Variants in ESRRG observed in about 807,000 individuals in gnomAD.
The protein encoded by ESRRG is estrogen related receptor gamma.
Under a neutral mutation model 44.0 loss-of-function variants are expected in ESRRG, and 13 were observed. The observed-to-expected ratio is 0.30, with a 90% CI of 0.19 to 0.47. The LOEUF is 0.47. Among genes scored for constraint, ESRRG ranks in the 20% least tolerant of loss-of-function variants. The pLI, the probability that ESRRG is intolerant of heterozygous loss-of-function variation, is 1.00. For missense variants in ESRRG, 395 were observed against 580.6 expected, an observed-to-expected ratio of 0.68 and a Z score of 3.29; for synonymous variants, 215 against 214.6, an observed-to-expected ratio of 1.00 and a Z score of -0.02.
chr1:216,860,286 A>C (rs1559896890), intron 2 of ESRRG, among the ~76,000 whole-genome samples: 1 of 152,084 alleles, frequency 6.6e-6, no homozygotes, highest in Non-Finnish European at 1.5e-5. Flanking sequence ...ACATACATAA[A>C]ATAAGAAAAA....
chr1:217,108,922 C>T (rs908209609), intron 1 of ESRRG, among the ~76,000 whole-genome samples: 2 of 152,126 alleles, frequency 1.3e-5, no homozygotes, highest in East Asian at 3.9e-4. Flanking sequence ...CTAACCCAAC[C>T]TCACATGAAA....
chr1:216,873,492 G>C (rs111808209), intron 2 of ESRRG, among the ~76,000 whole-genome samples: 4 of 151,990 alleles, frequency 2.6e-5, no homozygotes, highest in African/African-American at 9.6e-5. Context: ...GGGATTACAG[G>C]CATGAGCCAC....
At chr1:216,758,739 A>G (rs2092604138) in intron 2 of ESRRG, among the ~76,000 whole-genome samples, 1 of 152,052 alleles carries the variant, frequency 6.6e-6, no homozygotes, top group South Asian at 2.1e-4. Flanking sequence ...AAACACATTT[A>G]CAGACCTGGG....
chr1:216,922,604 C>A (rs1258377520), intron 2 of ESRRG, among the ~76,000 whole-genome samples: 3 of 152,190 alleles, frequency 2.0e-5, no homozygotes, highest in African/African-American at 7.2e-5. Flanking sequence ...TTTTCATACT[C>A]TAATCCTATA....
intron 2 of ESRRG, among the ~76,000 whole-genome samples, chr1:216,870,627 C>T (rs1222383215): frequency 1.3e-5 from 2 of 151,930 alleles, no homozygotes; most frequent in African/African-American, 2.4e-5. Context: ...AATGAAACTA[C>T]CTGGGCCTGG....
At chr1:216,566,718 C>G (rs1362650638) in intron 4 of ESRRG, among the ~76,000 whole-genome samples, 1 of 152,094 alleles carries the variant, frequency 6.6e-6, no homozygotes, top group African/African-American at 2.4e-5. Context: ...TGTGCAAAAT[C>G]TGTTTAATGC....
intron 3 of ESRRG, among the ~76,000 whole-genome samples, chr1:216,570,640 A>T (rs1035326237): frequency 4.6e-5 from 7 of 152,184 alleles, no homozygotes; most frequent in African/African-American, 1.7e-4. Flanking sequence ...GACACTAATT[A>T]TATCCTCACG....
chr1:216,663,759 A>G (rs1218567226), intron 2 of ESRRG, among the ~76,000 whole-genome samples: 1 of 152,198 alleles, frequency 6.6e-6, no homozygotes, highest in Non-Finnish European at 1.5e-5. Flanking sequence ...TCTCACATCA[A>G]AACAGGAGAG....
chr1:217,076,032 A>G, intron 1 of ESRRG, among the ~76,000 whole-genome samples: 1 of 152,214 alleles, frequency 6.6e-6, no homozygotes, highest in East Asian at 1.9e-4. Flanking sequence ...AAGAATCTAT[A>G]TGTTAAAAGG....
At chr1:216,997,956 T>A (rs1475543609) in intron 1 of ESRRG, among the ~76,000 whole-genome samples, 1 of 152,210 alleles carries the variant, frequency 6.6e-6, no homozygotes, top group Non-Finnish European at 1.5e-5. Context: ...CAATAACTCT[T>A]TCACCCATGC....
chr1:216,989,592 T>C (rs1213420324), intron 1 of ESRRG, among the ~76,000 whole-genome samples: 3 of 152,174 alleles, frequency 2.0e-5, no homozygotes, highest in African/African-American at 7.2e-5. Flanking sequence ...TGGATGTACA[T>C]GTGTGTATTT....
At chr1:216,678,986 T>G (rs2076568730) in intron 1 of ESRRG, among the ~76,000 whole-genome samples, 1 of 152,234 alleles carries the variant, frequency 6.6e-6, no homozygotes, top group African/African-American at 2.4e-5. Context: ...GCAGGAAGTT[T>G]CACTTAACTG....
chr1:216,720,556 T>G (rs1037182865), intron 1 of ESRRG, among the ~76,000 whole-genome samples: 1 of 152,142 alleles, frequency 6.6e-6, no homozygotes, highest in African/African-American at 2.4e-5. Flanking sequence ...TCCCCTCTGA[T>G]CTCGGCTTTT....
At chr1:216,729,099 A>T (rs2088175662) in intron 2 of ESRRG, among the ~76,000 whole-genome samples, 1 of 152,184 alleles carries the variant, frequency 6.6e-6, no homozygotes, top group Admixed American at 6.5e-5. Context: ...TCTTAATCTC[A>T]GTTTCCTCAG....
At chr1:216,569,827 C>T (rs2149637587) in intron 3 of ESRRG, among the ~76,000 whole-genome samples, 1 of 152,266 alleles carries the variant, frequency 6.6e-6, no homozygotes, top group Non-Finnish European at 1.5e-5. Flanking sequence ...TTCATTTAAG[C>T]CCCCTCAGAG....
At chr1:217,043,138 T>C (rs2084184536) in intron 1 of ESRRG, among the ~76,000 whole-genome samples, 1 of 152,118 alleles carries the variant, frequency 6.6e-6, no homozygotes, top group South Asian at 2.1e-4. Flanking sequence ...AATAATAACC[T>C]CTGTATAGAT....
At chr1:216,924,424 G>C (rs545455162) in intron 2 of ESRRG, among the ~76,000 whole-genome samples, 2 of 152,142 alleles carry the variant, frequency 1.3e-5, no homozygotes, top group South Asian at 4.2e-4. Flanking sequence ...AGACCAAAGG[G>C]TCCAATTCGC....
chr1:216,614,815 G>A (rs2061192257), intron 3 of ESRRG, among the ~76,000 whole-genome samples: 1 of 152,102 alleles, frequency 6.6e-6, no homozygotes, highest in Admixed American at 6.5e-5. Context: ...CATTTAATAA[G>A]GAACCAAAGC....
chr1:216,621,138 G>A lies in ESRRG; in HGVS notation c.589+29835C>T, dbSNP rs544912454. ...TAAGTGGCAAATAAGTGATATTTAT[G>A]TATAAAATTTTGCTTACTTATTCTA... is the stretch of plus-strand genomic sequence containing the variant. On this transcript the variant is annotated intron_variant, in intron 3 of 6. Transcript: ENST00000408911. 1.2e-4 allele frequency among the ~76,000 whole-genome samples: 18 copies of A among 152,290 alleles called. No individual in the cohort carries two copies. In the South Asian group the frequency reaches 1.9e-3, roughly 16 times the overall value.
Sources: allele counts gnomAD v4.1 joint callset (sites outside exome capture counted in the v4.1 genomes callset), GRCh38; gene constraint gnomAD v4.1.1; transcripts MANE v1.5; gene names NCBI Gene and HGNC (gene_info 2026-07-23, HGNC 2026-07-21).